Variants in TIMM23 observed in about 807,000 individuals in gnomAD.
TIMM23 encodes the protein mitochondrial import inner membrane translocase subunit Tim23.
Under a neutral mutation model 30.7 loss-of-function variants are expected in TIMM23, and 19 were observed. That is an observed-to-expected ratio of 0.62 (90% CI 0.43 to 0.91). The LOEUF (loss-of-function observed/expected upper bound fraction) is 0.91, where lower values mean the gene tolerates loss of function less well. Among genes scored for constraint, TIMM23 ranks in the 40% least tolerant of loss-of-function variants. TIMM23 has a pLI of 0.00. For missense variants in TIMM23, 202 were observed against 269.2 expected (o/e 0.75, Z 1.75); for synonymous variants, 78 against 98.5 (o/e 0.79, Z 1.23).
In TIMM23 at chr10:46,003,288, G is replaced by A. The variant is rs542923049; in HGVS notation, c.600G>A (p.Met200Ile). ...CACTATATAATAACTGGGAGCACAT[G>A]AAAGGCTCCTTGCTCCAACAGTCAC... is the stretch of plus-strand genomic sequence containing the variant. ...LYALYNNWEH[M>I]KGSLLQQSL The change falls in exon 7 of 7, where the codon ATG becomes ATA. Residue 200 changes from methionine (M) to isoleucine (I), a missense_variant. Coordinates refer to ENST00000580018, the MANE Select transcript of TIMM23 (RefSeq NM_006327.4). 1 of 1,614,098 alleles carries A rather than the reference G, an allele frequency of 6.2e-7. No homozygotes were observed. The highest frequency in any genetic ancestry group is 1.3e-5 in the African/African-American group (1 of 75,058).
At chr10:45,977,566 A>T (rs1481037234) in intron 2 of TIMM23, among the ~76,000 whole-genome samples, 1 of 152,266 alleles carries the variant, frequency 6.6e-6, no homozygotes, top group Non-Finnish European at 1.5e-5. Flanking sequence ...TTAAAGACTT[A>T]AATGTAAACT....
intron 6 of TIMM23, among the ~76,000 whole-genome samples, chr10:45,998,604 C>G (rs927840623): frequency 2.0e-4 from 30 of 152,106 alleles, no homozygotes; most frequent in African/African-American, 7.2e-4. Context: ...GAAACAGTTA[C>G]AATTAGAACA....
chr10:45,972,799 A>C, intron 1 of TIMM23, 69 bp downstream of exon 1: 2 of 1,572,602 alleles, frequency 1.3e-6, no homozygotes, highest in Non-Finnish European at 1.7e-6. Flanking sequence ...TGCGCGTCCC[A>C]TGTTTTATGT....
At chr10:45,977,899 T>C (rs1213390121) in intron 2 of TIMM23, among the ~76,000 whole-genome samples, 1 of 151,756 alleles carries the variant, frequency 6.6e-6, no homozygotes, top group Non-Finnish European at 1.5e-5. Context: ...GGCGTGGTGC[T>C]GGGCGCCTGT....
In TIMM23 at chr10:45,998,739, C is replaced by T. The variant is rs899484295; in HGVS notation, c.515-4464C>T. ...TCTGGCTTTTAAGAAGTAACTTCAT[C>T]GATTTGAACTAAGTTTTTGATTCAT... On this transcript the variant is annotated intron_variant, in intron 6 of 6. Transcript: ENST00000580018. Among the ~76,000 whole-genome samples, 723 of 151,302 alleles carry T rather than the reference C, an allele frequency of 4.8e-3. 5 individuals are homozygous for T. Among genetic ancestry groups the T allele is most frequent in the East Asian group, 0.019 (98 of 5,152 alleles).
intron 4 of TIMM23, among the ~76,000 whole-genome samples, chr10:45,984,074 G>A (rs1162723322): frequency 6.6e-6 from 1 of 152,054 alleles, no homozygotes; most frequent in Non-Finnish European, 1.5e-5. Context: ...CTGTTACTGT[G>A]TGGATCTCTG....
chr10:45,996,806 A>G (rs1225152455), intron 6 of TIMM23, among the ~76,000 whole-genome samples: 2 of 151,730 alleles, frequency 1.3e-5, no homozygotes, highest in African/African-American at 4.9e-5. Flanking sequence ...AACCCTGTCT[A>G]TACAAAAAAT....
Position 45,993,281 on chromosome 10 carries a change from C to T in TIMM23, c.514+4434C>T, listed in dbSNP as rs1479565298. On this transcript the variant is annotated intron_variant, in intron 6 of 6. Coordinates refer to ENST00000580018, the MANE Select transcript of TIMM23 (RefSeq NM_006327.4). ...TTTTTTGGAGACTGAGTTTCACTCT[C>T]GTTGGCCAGACTGGAGTGCAATGGC... 4.5e-5 allele frequency among the ~76,000 whole-genome samples: 6 copies of T among 134,526 alleles called. No homozygotes were observed. The East Asian group carries it at 8.9e-4, about 20-fold the overall frequency. 88.3% of individuals were successfully genotyped at this position (134,526 alleles called of 152,430 possible).
At chr10:45,982,385 A>T (rs2132254479) in intron 2 of TIMM23, 138 bp from the exon 3 acceptor site, 2 of 773,620 alleles carry the variant, frequency 2.6e-6, no homozygotes, top group Non-Finnish European at 4.2e-6. Flanking sequence ...AGAAAGTTTT[A>T]TTTTTGTTTA....
At chr10:45,979,466 CT>C (rs782211474) in intron 2 of TIMM23, among the ~76,000 whole-genome samples, 63 of 146,614 alleles carry the variant, frequency 4.3e-4, no homozygotes, top group Admixed American at 5.4e-4. Flanking sequence ...CTGGCTAATT[CT>C]TTTTTTTTTT....
intron 6 of TIMM23, among the ~76,000 whole-genome samples, chr10:45,999,877 C>A (rs1440974796): frequency 6.6e-6 from 1 of 152,176 alleles, no homozygotes; most frequent in Non-Finnish European, 1.5e-5. Context: ...GACCTATACC[C>A]CCAGGCGCGT....
At chr10:46,000,385 G>T (rs1838491051) in intron 6 of TIMM23, among the ~76,000 whole-genome samples, 1 of 152,116 alleles carries the variant, frequency 6.6e-6, no homozygotes, top group Non-Finnish European at 1.5e-5. Flanking sequence ...CTCCGTTTGG[G>T]GTCCCTGACT....
chr10:45,973,286 T>C (rs1170534115), intron 1 of TIMM23, among the ~76,000 whole-genome samples: 2 of 152,228 alleles, frequency 1.3e-5, no homozygotes, highest in African/African-American at 4.8e-5. Context: ...GTAAGAATTA[T>C]AGAAACGGAA....
intron 6 of TIMM23, chr10:45,990,540 C>G (rs1554915577): frequency 6.8e-6 from 2 of 292,664 alleles, no homozygotes; most frequent in Non-Finnish European, 6.6e-6. Context: ...ATCTCAGCCT[C>G]CTGAGTAGCT....
chr10:45,987,078 G>T (rs1182268749), intron 5 of TIMM23, among the ~76,000 whole-genome samples: 1 of 151,950 alleles, frequency 6.6e-6, no homozygotes, highest in Non-Finnish European at 1.5e-5. Context: ...TATATGAAAA[G>T]TCCCTCTCTG....
chr10:45,976,477 G>T (rs1323547700), intron 2 of TIMM23, among the ~76,000 whole-genome samples: 10 of 149,098 alleles, frequency 6.7e-5, no homozygotes, highest in Admixed American at 2.7e-4. Flanking sequence ...CAGGCGTGGT[G>T]GTGCCTACCT....
intron 2 of TIMM23, among the ~76,000 whole-genome samples, chr10:45,981,159 G>A (rs1176284612): frequency 1.1e-4 from 17 of 148,924 alleles, no homozygotes; most frequent in Admixed American, 1.1e-3. Context: ...GGGTGGCCTC[G>A]AACTCCTGAG....
At chr10:45,990,747 T>G (rs2132268889) in intron 6 of TIMM23, 1 of 407,386 alleles carries the variant, frequency 2.5e-6, no homozygotes, top group African/African-American at 2.1e-5. Context: ...ATTTTTTATT[T>G]TCATGTTTTT....
Position 46,003,412 on chromosome 10 carries a change from ATTAGTTTG to A in TIMM23, c.*95_*102del. On this transcript the variant is annotated 3_prime_UTR_variant, in exon 7 of 7. Coordinates refer to ENST00000580018, the MANE Select transcript of TIMM23 (RefSeq NM_006327.4). Reference sequence around the variant, plus strand: ...AGTTATTCTCTCTCTTCTACCTACAATTAGTTTGAAAAATTGGAGATTTTGATTTGCTG... The same window carrying A: ...AGTTATTCTCTCTCTTCTACCTACAAAAAAATTGGAGATTTTGATTTGCTG... 1.1e-6 allele frequency: 1 copy of A among 883,290 alleles called. No homozygotes were observed. Among genetic ancestry groups the A allele is most frequent in the Admixed American group, 2.5e-5 (1 of 40,274 alleles). 54.7% of individuals were successfully genotyped at this position (883,290 alleles called of 1,614,324 possible).
Sources: gnomAD v4.1 joint callset for allele counts (sites outside exome capture counted in the v4.1 genomes callset) on GRCh38, gnomAD v4.1.1 for gene constraint, MANE v1.5 for transcripts, NCBI Gene and HGNC (gene_info 2026-07-23, HGNC 2026-07-21) for gene names.